Variants in CDKAL1 observed in about 807,000 individuals in gnomAD.
CDKAL1 encodes the protein CDKAL1 threonylcarbamoyladenosine tRNA methylthiotransferase.
In CDKAL1, 32 loss-of-function variants were observed where a neutral mutation model predicts 68.2. The observed-to-expected ratio is 0.47, with a 90% CI of 0.35 to 0.63. The LOEUF is 0.63. Ranked by LOEUF, CDKAL1 falls within the 30% of genes least tolerant of loss-of-function variation. The pLI is 0.00. For missense variants in CDKAL1, 606 were observed against 696.7 expected, an observed-to-expected ratio of 0.87 and a Z score of 1.47; for synonymous variants, 234 against 244.3, an observed-to-expected ratio of 0.96 and a Z score of 0.39.
At position 20,673,687 on chromosome 6, in the gene CDKAL1, G is replaced by A. The variant is rs147014511; in HGVS notation, c.371+24310G>A. Among the ~76,000 whole-genome samples the A allele has an allele frequency of 3.3e-3, 496 of 152,274 alleles. 2 individuals are homozygous for A. The highest frequency in any genetic ancestry group is 0.011 in the African/African-American group (465 of 41,548). ...TCTTTACCCTGCTGTTCTCATGATA[G>A]TGCATGAGTCTCATGAGATCTGATG... On this transcript the variant is annotated intron_variant, in intron 5 of 15. Coordinates refer to ENST00000274695, the MANE Select transcript of CDKAL1 (RefSeq NM_017774.3).
At position 20,994,614 on chromosome 6, in the gene CDKAL1, G is replaced by A. The variant is rs927650104; in HGVS notation, c.910-5613G>A. 6.6e-5 allele frequency among the ~76,000 whole-genome samples: 10 copies of A among 152,286 alleles called. No homozygotes were observed. In the South Asian group the frequency reaches 8.3e-4, roughly 13 times the overall value. ...ACAGGCATACCTCAGAGATACTGCA[G>A]GTTTGGTTCCAGACCTCTGCAAAAT... On this transcript the variant is annotated intron_variant, in intron 10 of 15. Coordinates refer to ENST00000274695, the MANE Select transcript of CDKAL1 (RefSeq NM_017774.3).
intron 15 of CDKAL1, among the ~76,000 whole-genome samples, chr6:21,219,974 A>G (rs891233162): frequency 1.3e-5 from 2 of 152,220 alleles, no homozygotes; most frequent in African/African-American, 4.8e-5. Context: ...GACTATTGAA[A>G]AGATTTCTTC....
chr6:20,954,180 T>C (rs1764670405), intron 9 of CDKAL1, among the ~76,000 whole-genome samples: 1 of 152,198 alleles, frequency 6.6e-6, no homozygotes, highest in Non-Finnish European at 1.5e-5. Flanking sequence ...GAAATCTTTT[T>C]GCTGTGTTTT....
At chr6:20,716,526 T>C (rs944350995) in intron 5 of CDKAL1, among the ~76,000 whole-genome samples, 6 of 149,430 alleles carry the variant, frequency 4.0e-5, no homozygotes, top group African/African-American at 1.5e-4. Context: ...TGGAGGTAGA[T>C]TGTGCAAATG....
chr6:20,780,420 G>A (rs912050561), intron 7 of CDKAL1, among the ~76,000 whole-genome samples: 1 of 151,738 alleles, frequency 6.6e-6, no homozygotes, highest in Non-Finnish European at 1.5e-5. Flanking sequence ...TTGATTTGTT[G>A]TTTGCTTTGA....
intron 11 of CDKAL1, among the ~76,000 whole-genome samples, chr6:21,031,535 G>A (rs1769292252): frequency 6.6e-6 from 1 of 151,866 alleles, no homozygotes; most frequent in South Asian, 2.1e-4. Flanking sequence ...GGAGTTCGGG[G>A]ACCATCTTAG....
At chr6:20,796,640 T>G (rs1776120985) in intron 8 of CDKAL1, among the ~76,000 whole-genome samples, 1 of 152,156 alleles carries the variant, frequency 6.6e-6, no homozygotes, top group South Asian at 2.1e-4. Flanking sequence ...ATAGACACAT[T>G]AAATCACTGG....
intron 4 of CDKAL1, among the ~76,000 whole-genome samples, chr6:20,602,489 AGCTTGCTATTATT>A (rs1452561459): frequency 6.6e-6 from 1 of 152,158 alleles, no homozygotes; most frequent in Non-Finnish European, 1.5e-5. Flanking sequence ...GAATGGGGTT[AGCTTGCTATTATT>A]GCTTGCTATT....
chr6:21,021,636 A>C (rs970955771), intron 11 of CDKAL1, among the ~76,000 whole-genome samples: 1 of 152,244 alleles, frequency 6.6e-6, no homozygotes, highest in South Asian at 2.1e-4. Context: ...ATAGTTACAT[A>C]TTAATTGATA....
chr6:20,885,379 A>G (rs890051231), intron 9 of CDKAL1, among the ~76,000 whole-genome samples: 5 of 152,216 alleles, frequency 3.3e-5, no homozygotes, highest in Admixed American at 2.0e-4. Context: ...ACTGTAGCCA[A>G]TTGATTTTTG....
chr6:21,205,917 C>T (rs1191928133), intron 15 of CDKAL1, among the ~76,000 whole-genome samples: 1 of 142,908 alleles, frequency 7.0e-6, no homozygotes, highest in African/African-American at 2.7e-5. Flanking sequence ...TCACCACAAG[C>T]TCCGCCTCCC....
intron 9 of CDKAL1, among the ~76,000 whole-genome samples, chr6:20,916,523 T>C (rs979392321): frequency 3.3e-5 from 5 of 152,002 alleles, no homozygotes; most frequent in African/African-American, 1.2e-4. Context: ...TGCAGGTCAG[T>C]GAGGAAAATG....
intron 4 of CDKAL1, among the ~76,000 whole-genome samples, chr6:20,603,320 C>A (rs1267550322): frequency 2.0e-5 from 3 of 152,096 alleles, no homozygotes; most frequent in Non-Finnish European, 4.4e-5. Flanking sequence ...TGTTGTCTGA[C>A]CTGTTTAGCC....
chr6:20,614,658 C>T (rs1238113778), intron 4 of CDKAL1, among the ~76,000 whole-genome samples: 1 of 152,072 alleles, frequency 6.6e-6, no homozygotes, highest in African/African-American at 2.4e-5. Context: ...TCTTTTTTTC[C>T]TTTTACTTAT....
chr6:21,007,821 T>G (rs1162528534), intron 11 of CDKAL1, among the ~76,000 whole-genome samples: 2 of 152,172 alleles, frequency 1.3e-5, no homozygotes, highest in African/African-American at 4.8e-5. Context: ...ATGCAGTTAG[T>G]GATAGAACCT....
At chr6:20,566,319 G>A (rs1764458946) in intron 4 of CDKAL1, among the ~76,000 whole-genome samples, 1 of 152,088 alleles carries the variant, frequency 6.6e-6, no homozygotes, top group Admixed American at 6.5e-5. Context: ...GTGTGGCCTA[G>A]ATATGTTAAT....
intron 11 of CDKAL1, among the ~76,000 whole-genome samples, chr6:21,035,180 G>C (rs943347635): frequency 6.6e-6 from 1 of 152,054 alleles, no homozygotes; most frequent in Admixed American, 6.6e-5. Flanking sequence ...AGCAATCTTA[G>C]CCAATCACAG....
chr6:21,168,702 C>T (rs748228741), intron 13 of CDKAL1, among the ~76,000 whole-genome samples: 79 of 152,190 alleles, frequency 5.2e-4, no homozygotes, highest in Non-Finnish European at 9.6e-4. Flanking sequence ...TTGTAATGTA[C>T]TGTCATACCC....
intron 15 of CDKAL1, among the ~76,000 whole-genome samples, chr6:21,214,188 C>T (rs1779261895): frequency 6.6e-6 from 1 of 152,028 alleles, no homozygotes; most frequent in Non-Finnish European, 1.5e-5. Context: ...TGGGGAGTTC[C>T]TTAAGGGTTA....
Sources: gnomAD v4.1 joint callset for allele counts (sites outside exome capture counted in the v4.1 genomes callset) on GRCh38, gnomAD v4.1.1 for gene constraint, MANE v1.5 for transcripts, NCBI Gene and HGNC (gene_info 2026-07-23, HGNC 2026-07-21) for gene names.